Variants in NEK8 observed in about 807,000 individuals in gnomAD.
NEK8 encodes the protein serine/threonine-protein kinase Nek8.
In NEK8, 51 loss-of-function variants were observed where a neutral mutation model predicts 77.2. The ratio of observed to expected loss-of-function variants is 0.66; its 90% CI spans 0.53 to 0.83. The LOEUF is 0.83. NEK8 is among the 40% of genes least tolerant of loss of function. The pLI, the probability that NEK8 is intolerant of heterozygous loss-of-function variation, is 0.00. For missense variants in NEK8, 787 were observed against 909.2 expected (o/e 0.87, Z 1.73); for synonymous variants, 365 against 363.2 (o/e 1.00, Z -0.06).
Position 28,741,393 on chromosome 17 carries a change from C to G in NEK8, c.1892-20C>G. On this transcript the variant is annotated intron_variant, in intron 13 of 14. Transcript: ENST00000268766. The surrounding 1 kb of genome is among the most constrained non-coding windows in gnomAD (Gnocchi z 4.5). ...GCTGTGCCCACTTCCCACTTCCCTC[C>G]TGGGGATTCTTCCTGGCAGAGAGCG... The G allele has an allele frequency of 6.2e-7, 1 of 1,612,754 alleles. No individual in the cohort carries two copies. The highest frequency in any genetic ancestry group is 8.5e-7 in the Non-Finnish European group (1 of 1,179,424).
At position 28,737,696 on chromosome 17, in the gene NEK8, C is replaced by T. The variant is rs1366648617; in HGVS notation, c.849C>T (p.Pro283=). 2.5e-6 allele frequency: 4 copies of T among 1,614,170 alleles called. No homozygotes were observed. Among genetic ancestry groups the T allele is most frequent in the Non-Finnish European group, 3.4e-6 (4 of 1,180,016 alleles). ...RMRRAEKSVA[P]SNTGSRTTSV... is the part of the protein sequence containing the mutation. ...GCAGGGCAGAGAAGTCCGTGGCCCC[C>T]AGCAACACAGGGAGCAGGACCACCA... Residue 283 remains proline, a synonymous_variant, in exon 6 of 15, where the codon CCC becomes CCT. Coordinates refer to ENST00000268766, the MANE Select transcript of NEK8 (RefSeq NM_178170.3). The surrounding 1 kb of genome is among the most constrained non-coding windows in gnomAD (Gnocchi z 4.8).
intron 1 of NEK8, 35 bp downstream of exon 1, chr17:28,728,895 G>T (rs974274312): frequency 3.9e-6 from 6 of 1,533,604 alleles, no homozygotes; most frequent in Non-Finnish European, 5.3e-6. Context: ...AACTGCTAGG[G>T]GATAGGGAAA....
chr17:28,737,579 G>A lies in NEK8; in HGVS notation c.827+65G>A. ...GTGGGCACCCAGTGGGAGCACAGGA[G>A]GTCTGAGGCAGAGGGAAACCTGGGG... On this transcript the variant is annotated intron_variant, in intron 5 of 14. Transcript: ENST00000268766. The surrounding 1 kb of genome is among the most constrained non-coding windows in gnomAD (Gnocchi z 4.8). 6.2e-7 allele frequency: 1 copy of A among 1,613,346 alleles called. No individual in the cohort carries two copies. The highest frequency in any genetic ancestry group is 1.1e-5 in the South Asian group (1 of 91,010).
At chr17:28,736,852 A>G (rs1233443211) in intron 4 of NEK8, among the ~76,000 whole-genome samples, 2 of 152,176 alleles carry the variant, frequency 1.3e-5, no homozygotes, top group Non-Finnish European at 2.9e-5. Flanking sequence ...GCCCATGCCT[A>G]TGTCCTGAAT....
At chr17:28,731,174 T>C (rs2034302494) in intron 1 of NEK8, among the ~76,000 whole-genome samples, 1 of 150,680 alleles carries the variant, frequency 6.6e-6, no homozygotes, top group African/African-American at 2.4e-5. Flanking sequence ...AAGGCAGAGG[T>C]TGCAGTGAGC....
At position 28,740,595 on chromosome 17, in the gene NEK8, T is replaced by C; in HGVS notation, c.1550T>C (p.Leu517Pro). The C allele has an allele frequency of 6.2e-7, 1 of 1,614,208 alleles. No homozygotes were observed. The highest frequency in any genetic ancestry group is 8.5e-7 in the Non-Finnish European group (1 of 1,180,016). ...SMILTVPGQALACGSNRFNKL... is the reference protein window; with the variant it reads ...SMILTVPGQAPACGSNRFNKL... The stretch of plus-strand genomic sequence containing the variant: ...ATCCTCACTGTGCCTGGCCAAGCCC[T>C]AGCCTGTGGGAGCAACAGGTGAATA... The change falls in exon 11 of 15, where the codon CTA becomes CCA. Residue 517 changes from leucine to proline, a missense_variant. By Grantham distance (98) the Leu-to-Pro change is moderately conservative. This residue lies in a region of NEK8 where 516 missense variants were observed against 544.0 expected (regional missense o/e 0.95). Coordinates refer to ENST00000268766, the MANE Select transcript of NEK8 (RefSeq NM_178170.3). The surrounding 1 kb of genome is among the most constrained non-coding windows in gnomAD (Gnocchi z 4.7).
chr17:28,728,947 C>A, intron 1 of NEK8, 87 bp downstream of exon 1: 3 of 1,258,032 alleles, frequency 2.4e-6, no homozygotes, highest in Admixed American at 4.0e-5. Flanking sequence ...CCCGCCTAAT[C>A]CCGCCCCAAG....
Position 28,728,834 on chromosome 17 carries a change from C to T in NEK8, c.21C>T (p.Ile7=). 6.4e-7 allele frequency: 1 copy of T among 1,551,666 alleles called. No individual in the cohort carries two copies. Among genetic ancestry groups the T allele is most frequent in the Non-Finnish European group, 8.7e-7 (1 of 1,146,906 alleles). The change falls in exon 1 of 15, where the codon ATC becomes ATT. Residue 7 remains isoleucine, a synonymous_variant. Coordinates refer to ENST00000268766, the MANE Select transcript of NEK8 (RefSeq NM_178170.3). ...ATGAGATGGAGAAGTACGAGCGGAT[C>T]CGAGTGGTGGGGAGAGGTGCCTTCG... MEKYER[I]RVVGRGAFGI...
chr17:28,738,238 C>T lies in NEK8; in HGVS notation c.1215C>T (p.Cys405=). 1 of 1,614,178 alleles carries T rather than the reference C, an allele frequency of 6.2e-7. No homozygotes were observed. Among genetic ancestry groups the T allele is most frequent in the Middle Eastern group, 1.7e-4 (1 of 6,056 alleles). Reference sequence around the variant, plus strand: ...CCTGTGGGGACTTCTTCACTGCCTGCCTGACTGGTGAGTTGTCGGGCCTAC... The same window carrying T: ...CCTGTGGGGACTTCTTCACTGCCTGTCTGACTGGTGAGTTGTCGGGCCTAC... The part of the protein sequence containing the change: ...HVACGDFFTA[C]LTDRGIIMTF... Residue 405 remains cysteine (C), a synonymous_variant, in exon 8 of 15, where the codon TGC becomes TGT. Coordinates refer to ENST00000268766, the MANE Select transcript of NEK8 (RefSeq NM_178170.3).
rs751627674 is a variant in NEK8 at position 28,741,452 on chromosome 17, G to A, written c.1931G>A (p.Arg644Gln). ...VYSWGKGARGRLGRRDEDAGL... is the reference protein window; with the variant it reads ...VYSWGKGARGQLGRRDEDAGL... Reference sequence around the variant, plus strand: ...TCTTGGGGCAAAGGGGCGCGAGGTCGATTGGGAAGGAGGGATGAGGATGCC... The same window carrying A: ...TCTTGGGGCAAAGGGGCGCGAGGTCAATTGGGAAGGAGGGATGAGGATGCC... Residue 644 changes from arginine to glutamine, a missense_variant, in exon 14 of 15, where the codon CGA becomes CAA. This residue lies in a region of NEK8 where 516 missense variants were observed against 544.0 expected (regional missense o/e 0.95). Coordinates refer to ENST00000268766, the MANE Select transcript of NEK8 (RefSeq NM_178170.3). This position sits in a 1 kb window ranked among gnomAD's most constrained non-coding sequence, Gnocchi z 4.5. 9.3e-6 allele frequency: 15 copies of A among 1,614,038 alleles called. No individual in the cohort carries two copies. The highest frequency in any genetic ancestry group is 2.7e-5 in the African/African-American group (2 of 74,918).
chr17:28,728,953 C>G lies in NEK8; in HGVS notation c.47+93C>G. The G allele has an allele frequency of 2.5e-6, 3 of 1,199,510 alleles. No homozygotes were observed. The East Asian group carries it at 7.6e-5, about 31-fold the overall frequency. The allele number at this position is 1,199,510 out of a possible 1,614,324, so 74.3% of individuals were successfully genotyped here. ...AAGTCGCCGCCCGCCTAATCCCGCC[C>G]CAAGGCGTGAGCGCCACTCTGGGAA... On this transcript the variant is annotated intron_variant, in intron 1 of 14. Coordinates refer to ENST00000268766, the MANE Select transcript of NEK8 (RefSeq NM_178170.3).
rs2034426920 is a variant in NEK8, at chr17:28,741,912, G to A, written c.2051-47G>A. On this transcript the variant is annotated intron_variant, in intron 14 of 14. Transcript: ENST00000268766. The surrounding 1 kb of genome is among the most constrained non-coding windows in gnomAD (Gnocchi z 4.5). ...TGGGAGGTGGGTGATGATTTCTGGA[G>A]GCACTGCCCTCAGAAGCTGCAAGGG... 1.2e-6 allele frequency: 2 copies of A among 1,606,764 alleles called. No homozygotes were observed. The highest frequency in any genetic ancestry group is 1.7e-6 in the Non-Finnish European group (2 of 1,173,278).
intron 3 of NEK8, 60 bp from the exon 4 acceptor site, chr17:28,735,180 T>A (rs1244667526): frequency 3.1e-6 from 5 of 1,608,516 alleles, no homozygotes; most frequent in Non-Finnish European, 4.2e-6. Context: ...AATGGGCTTA[T>A]GCACAGAGCC....
chr17:28,740,389 T>A lies in NEK8; in HGVS notation c.1418-74T>A. On this transcript the variant is annotated intron_variant, in intron 10 of 14. Coordinates refer to ENST00000268766, the MANE Select transcript of NEK8 (RefSeq NM_178170.3). This position sits in a 1 kb window ranked among gnomAD's most constrained non-coding sequence, Gnocchi z 4.7. ...AGAGAACTCATGCTGTTCCCTCCCC[T>A]CAGTGGGCCCTCCTCATTCGGGCAT... 7.5e-7 allele frequency: 1 copy of A among 1,327,710 alleles called. No individual in the cohort carries two copies. Among genetic ancestry groups the A allele is most frequent in the South Asian group, 1.2e-5 (1 of 85,000 alleles). 82.2% of individuals were successfully genotyped at this position (1,327,710 alleles called of 1,614,324 possible).
In NEK8 at chr17:28,737,901, C is replaced by A; in HGVS notation, c.972C>A (p.Pro324=). ...CCTGGGGTGGTGGGCTGGGCACCCC[C>A]CTGCGGCTGCCAATGCTCAACACAG... The part of the protein sequence containing the change: ...VYAWGGGLGT[P]LRLPMLNTEV... The change falls in exon 7 of 15, where the codon CCC becomes CCA. Residue 324 remains proline, a synonymous_variant. Coordinates refer to ENST00000268766, the MANE Select transcript of NEK8 (RefSeq NM_178170.3). The surrounding 1 kb of genome is among the most constrained non-coding windows in gnomAD (Gnocchi z 4.8). The A allele has an allele frequency of 6.2e-7, 1 of 1,613,856 alleles. No individual in the cohort carries two copies. Among genetic ancestry groups the A allele is most frequent in the South Asian group, 1.1e-5 (1 of 91,086 alleles).
At chr17:28,730,568 C>G (rs887134952) in intron 1 of NEK8, among the ~76,000 whole-genome samples, 6 of 152,298 alleles carry the variant, frequency 3.9e-5, no homozygotes, top group African/African-American at 1.4e-4. Context: ...GCCACCACTC[C>G]CAGCCACCAG....
chr17:28,738,600 G>A, intron 8 of NEK8, 71 bp from the exon 9 acceptor site: 3 of 1,403,676 alleles, frequency 2.1e-6, no homozygotes, highest in Non-Finnish European at 3.0e-6. Flanking sequence ...GCAACCCACT[G>A]GAGGACCGGG....
At chr17:28,731,123 G>T (rs145376611) in intron 1 of NEK8, among the ~76,000 whole-genome samples, 19 of 151,984 alleles carry the variant, frequency 1.3e-4, no homozygotes, top group African/African-American at 4.4e-4. Flanking sequence ...TGTTGTGACG[G>T]CTACTTGGGA....
At chr17:28,738,954 A>G (rs1405443814) in intron 9 of NEK8, 130 bp from the exon 10 acceptor site, 5 of 868,852 alleles carry the variant, frequency 5.8e-6, no homozygotes, top group Admixed American at 1.7e-5. Flanking sequence ...GGCAGTGTGT[A>G]TGGCTGGATT....
Sources: allele counts gnomAD v4.1 joint callset (sites outside exome capture counted in the v4.1 genomes callset), GRCh38; gene constraint gnomAD v4.1.1; regional missense constraint gnomAD v4.1.1; non-coding constraint Gnocchi (gnomAD v3.1); transcripts MANE v1.5; gene names NCBI Gene and HGNC (gene_info 2026-07-23, HGNC 2026-07-21).